The following EYS variants were observed in gnomAD, a reference collection of about 807,000 sequenced individuals.
The protein encoded by EYS is protein eyes shut homolog.
EYS carries 250 observed loss-of-function variants against 282.1 expected under a neutral mutation model. The ratio of observed to expected loss-of-function variants is 0.89; its 90% CI spans 0.80 to 0.98. EYS has a LOEUF of 0.98. Ranked by LOEUF, EYS falls within the 50% of genes least tolerant of loss-of-function variation. EYS has a pLI of 0.00. For synonymous variants in EYS, 1,355 were observed against 1,282.9 expected (o/e 1.06, Z -1.20); for missense variants, 4,016 against 3,709.0 (o/e 1.08, Z -2.15).
intron 26 of EYS, among the ~76,000 whole-genome samples, chr6:64,504,890 T>A (rs1353330074): frequency 2.6e-5 from 4 of 152,158 alleles, no homozygotes; most frequent in Admixed American, 1.3e-4. Flanking sequence ...AGCTCCACAG[T>A]AAGTTTTACT....
chr6:64,818,769 G>C (rs1205356699), intron 21 of EYS, among the ~76,000 whole-genome samples: 2 of 120,530 alleles, frequency 1.7e-5, no homozygotes, highest in Admixed American at 7.9e-5. Flanking sequence ...CAGCTGATTA[G>C]ATTGTACCCA....
chr6:65,634,575 C>CAACT (rs1477543687), intron 2 of EYS, among the ~76,000 whole-genome samples: 1 of 152,194 alleles, frequency 6.6e-6, no homozygotes, highest in South Asian at 2.1e-4. Flanking sequence ...AGCTACTCGG[C>CAACT]AACTCTACAT....
chr6:64,816,690 G>T (rs549723736), intron 21 of EYS, among the ~76,000 whole-genome samples: 1 of 152,028 alleles, frequency 6.6e-6, no homozygotes, highest in African/African-American at 2.4e-5. Flanking sequence ...GAACAAATAC[G>T]TAGGAAAATA....
At chr6:64,610,927 T>C (rs1186496028) in intron 24 of EYS, among the ~76,000 whole-genome samples, 1 of 152,174 alleles carries the variant, frequency 6.6e-6, no homozygotes, top group Non-Finnish European at 1.5e-5. Flanking sequence ...TACAAAATAC[T>C]GTCACTGTGT....
intron 31 of EYS, among the ~76,000 whole-genome samples, chr6:64,212,819 T>C (rs1042777931): frequency 6.6e-6 from 1 of 152,178 alleles, no homozygotes; most frequent in African/African-American, 2.4e-5. Context: ...CGTATGTTCA[T>C]TGCAACACTA....
chr6:63,840,680 T>G (rs937990699), intron 36 of EYS, among the ~76,000 whole-genome samples: 5 of 152,190 alleles, frequency 3.3e-5, no homozygotes, highest in African/African-American at 1.2e-4. Context: ...GGTCTTAAAT[T>G]TAAGTCTTTA....
chr6:65,248,103 AG>A (rs1767227999), intron 12 of EYS, among the ~76,000 whole-genome samples: 1 of 151,984 alleles, frequency 6.6e-6, no homozygotes, highest in African/African-American at 2.4e-5. Context: ...TTTCCTCCTC[AG>A]CTGGTTTTGG....
At chr6:63,852,182 A>AT (rs1554182092) in intron 36 of EYS, among the ~76,000 whole-genome samples, 1 of 143,142 alleles carries the variant, frequency 7.0e-6, no homozygotes, top group Middle Eastern at 3.6e-3. Flanking sequence ...AAAAAAAAAA[A>AT]ATCAATGAAT....
intron 33 of EYS, among the ~76,000 whole-genome samples, chr6:64,016,697 A>G (rs1182548604): frequency 3.3e-5 from 5 of 151,854 alleles, no homozygotes; most frequent in African/African-American, 9.7e-5. Context: ...GCTGGCCTCA[A>G]ACTACTGTGC....
chr6:64,344,930 GA>G (rs1157919250), intron 29 of EYS, among the ~76,000 whole-genome samples: 1 of 152,086 alleles, frequency 6.6e-6, no homozygotes, highest in Non-Finnish European at 1.5e-5. Flanking sequence ...GCCAAATCAT[GA>G]GTGAACTCCC....
intron 22 of EYS, among the ~76,000 whole-genome samples, chr6:64,750,694 GC>G: frequency 6.6e-6 from 1 of 152,258 alleles, no homozygotes; most frequent in South Asian, 2.1e-4. Flanking sequence ...TGGATTGGAG[GC>G]TTTTAGAGCA....
intron 26 of EYS, among the ~76,000 whole-genome samples, chr6:64,538,999 C>T (rs151118720): frequency 1.2e-4 from 19 of 152,076 alleles, no homozygotes; most frequent in Admixed American, 1.1e-3. Context: ...ATCAATCACC[C>T]GAGAATCTTG....
At chr6:65,618,807 G>A (rs554730292) in intron 2 of EYS, among the ~76,000 whole-genome samples, 3 of 152,064 alleles carry the variant, frequency 2.0e-5, no homozygotes, top group Non-Finnish European at 4.4e-5. Context: ...TATTAAATAG[G>A]GAATCCTTTC....
At chr6:64,628,363 T>C (rs1767676950) in intron 22 of EYS, among the ~76,000 whole-genome samples, 1 of 152,192 alleles carries the variant, frequency 6.6e-6, no homozygotes, top group African/African-American at 2.4e-5. Context: ...GTTCATTGTC[T>C]TTCCTTGAAT....
intron 12 of EYS, among the ~76,000 whole-genome samples, chr6:65,178,419 G>A (rs1311563969): frequency 6.6e-6 from 1 of 151,856 alleles, no homozygotes; most frequent in Non-Finnish European, 1.5e-5. Flanking sequence ...AAGAGAATGG[G>A]GGGTGGAGAC....
chr6:65,521,264 C>T (rs971029000), intron 2 of EYS, among the ~76,000 whole-genome samples: 2 of 152,040 alleles, frequency 1.3e-5, no homozygotes, highest in Non-Finnish European at 2.9e-5. Flanking sequence ...AGTACAGAGG[C>T]TCTAGAGTCA....
chr6:65,607,464 A>C (rs987881456), intron 2 of EYS, among the ~76,000 whole-genome samples: 16 of 151,816 alleles, frequency 1.1e-4, no homozygotes, highest in Non-Finnish European at 8.8e-5. Flanking sequence ...TCCTGCTGTA[A>C]CTTTCCTCAC....
chr6:64,843,401 G>C (rs187790951), intron 19 of EYS, among the ~76,000 whole-genome samples: 2 of 152,260 alleles, frequency 1.3e-5, no homozygotes, highest in East Asian at 3.9e-4. Context: ...CAGCCCGGAG[G>C]TGGGCTATAC....
chr6:64,470,823 AG>A (rs1168299586), intron 26 of EYS, among the ~76,000 whole-genome samples: 1 of 152,190 alleles, frequency 6.6e-6, no homozygotes, highest in Non-Finnish European at 1.5e-5. Context: ...AAAAGCCAAC[AG>A]GACATATGGG....
Sources: gnomAD v4.1 joint callset for allele counts (sites outside exome capture counted in the v4.1 genomes callset) on GRCh38, gnomAD v4.1.1 for gene constraint, MANE v1.5 for transcripts, NCBI Gene and HGNC (gene_info 2026-07-23, HGNC 2026-07-21) for gene names.